The following BUB1B variants were observed in gnomAD, a reference collection of about 807,000 sequenced individuals.
BUB1B encodes the protein BUB1 mitotic checkpoint serine/threonine kinase B.
BUB1B carries 86 observed loss-of-function variants against 137.7 expected under a neutral mutation model. That is an observed-to-expected ratio of 0.62 (90% CI 0.52 to 0.75). The LOEUF (loss-of-function observed/expected upper bound fraction) is 0.75. Ranked by LOEUF, BUB1B falls within the 30% of genes least tolerant of loss-of-function variation. The pLI, the probability that BUB1B is intolerant of heterozygous loss-of-function variation, is 0.00. For synonymous variants in BUB1B, 420 were observed against 417.9 expected, an observed-to-expected ratio of 1.00 and a Z score of -0.06; for missense variants, 1,130 against 1,236.9, an observed-to-expected ratio of 0.91 and a Z score of 1.30.
intron 4 of BUB1B, 143 bp from the exon 5 acceptor site, chr15:40,176,334 C>A: frequency 1.2e-6 from 1 of 802,002 alleles, no homozygotes; most frequent in Non-Finnish European, 2.1e-6. Flanking sequence ...TAGGTCCTCC[C>A]AGTATGGTCC....
intron 9 of BUB1B, among the ~76,000 whole-genome samples, chr15:40,197,035 G>T (rs929984919): frequency 6.6e-6 from 1 of 152,168 alleles, no homozygotes; most frequent in Non-Finnish European, 1.5e-5. Context: ...ATGTTTAGAA[G>T]TAAAGGAAGA....
In BUB1B at chr15:40,200,080, T is replaced by C. The variant is rs2037545977; in HGVS notation, c.1402-164T>C. On this transcript the variant is annotated intron_variant, in intron 10 of 22. Coordinates refer to ENST00000287598, the MANE Select transcript of BUB1B (RefSeq NM_001211.6). ...GCTCAGTTGAGTACAACAGTACTGG[T>C]TTAGAGTAGGAATAAAAATTATTGG... 6 of 679,128 alleles carry C rather than the reference T, an allele frequency of 8.8e-6. No homozygotes were observed. The South Asian group carries it at 9.8e-5, about 11-fold the overall frequency. The allele number at this position is 679,128 out of a possible 1,614,324, so 42.1% of individuals were successfully genotyped here. A position where few individuals can be genotyped will look rare whatever the true frequency, so the allele number is the denominator to read the frequency against.
rs928512477 is a variant in BUB1B, at chr15:40,197,745, T to A, written c.1288+971T>A. Among the ~76,000 whole-genome samples, 14 of 152,162 alleles carry A rather than the reference T, an allele frequency of 9.2e-5. No homozygotes were observed. In the East Asian group the frequency reaches 2.5e-3, roughly 27 times the overall value. On this transcript the variant is annotated intron_variant, in intron 9 of 22. Coordinates refer to ENST00000287598, the MANE Select transcript of BUB1B (RefSeq NM_001211.6). ...AGCAGACTGTTAGTAAGTTTGAAAT[T>A]GCCTTCATTTGTTACACTAATTAGT...
chr15:40,174,232 T>A (rs956661668), intron 4 of BUB1B, among the ~76,000 whole-genome samples: 6 of 152,220 alleles, frequency 3.9e-5, no homozygotes, highest in Admixed American at 1.3e-4. Context: ...AAAGACTGGA[T>A]CTTATGCTGG....
chr15:40,210,391 A>T (rs2037696145), intron 18 of BUB1B, among the ~76,000 whole-genome samples, 181 bp downstream of exon 18: 1 of 152,166 alleles, frequency 6.6e-6, no homozygotes, highest in Non-Finnish European at 1.5e-5. Context: ...GGCCTGCTCC[A>T]ATCTGGACAA....
Position 40,217,664 on chromosome 15 carries a change from C to A in BUB1B, c.2847C>A (p.Tyr949Ter). The change falls in exon 21 of 23, where the codon TAC (tyrosine) becomes TAA (stop). Residue 949 changes from tyrosine to a stop codon, truncating the protein, a stop_gained. Coordinates refer to ENST00000287598, the MANE Select transcript of BUB1B (RefSeq NM_001211.6). LOFTEE classifies it high-confidence loss of function. ...TCCTGGCTAACTGTTCTTCTCCCTACCAGGTAAGTGTAAAACAAGCCTGAG... is the reference window on the plus strand; with the variant it reads ...TCCTGGCTAACTGTTCTTCTCCCTAACAGGTAAGTGTAAAACAAGCCTGAG... ...QKILANCSSP[Y>*]QVDLFGIADL... 1 of 1,614,144 alleles carries A rather than the reference C, an allele frequency of 6.2e-7. No homozygotes were observed. Among genetic ancestry groups the A allele is most frequent in the Non-Finnish European group, 8.5e-7 (1 of 1,180,012 alleles).
At chr15:40,164,063 C>T (rs372814022) in intron 1 of BUB1B, among the ~76,000 whole-genome samples, 38 of 152,200 alleles carry the variant, frequency 2.5e-4, no homozygotes, top group African/African-American at 7.9e-4. Flanking sequence ...CAAAACGTTT[C>T]GGGGGTTTTC....
At chr15:40,166,471 CT>C (rs2037099878) in intron 2 of BUB1B, 2 of 335,160 alleles carry the variant, frequency 6.0e-6, no homozygotes, top group Admixed American at 8.9e-5. Context: ...TCCTGAGTAG[CT>C]GGGACTACAG....
chr15:40,204,662 G>A (rs879690691), intron 14 of BUB1B, among the ~76,000 whole-genome samples: 9 of 150,766 alleles, frequency 6.0e-5, no homozygotes, highest in Admixed American at 6.0e-4. Flanking sequence ...TTTTAGACAG[G>A]GCCTCGCTCT....
intron 18 of BUB1B, among the ~76,000 whole-genome samples, chr15:40,210,723 C>T (rs1299039062): frequency 6.6e-6 from 1 of 152,088 alleles, no homozygotes; most frequent in African/African-American, 2.4e-5. Context: ...CTAGGCTGGT[C>T]TTGAATTCAT....
At chr15:40,219,961 T>C (rs948728574) in intron 22 of BUB1B, among the ~76,000 whole-genome samples, 1 of 152,146 alleles carries the variant, frequency 6.6e-6, no homozygotes, top group Non-Finnish European at 1.5e-5. Flanking sequence ...ATGTAAGACA[T>C]ATAGGATGGA....
intron 3 of BUB1B, 98 bp from the exon 4 acceptor site, chr15:40,170,439 A>G: frequency 1.4e-6 from 2 of 1,416,374 alleles, no homozygotes; most frequent in East Asian, 2.3e-5. Flanking sequence ...CAAAAGAAAC[A>G]TACTTTACTT....
rs138543509 is a variant in BUB1B, at chr15:40,181,975, G to A, written c.582-1739G>A. Among the ~76,000 whole-genome samples the A allele has an allele frequency of 2.6e-3, 401 of 152,316 alleles. 8 individuals carry two copies. The highest frequency in any genetic ancestry group is 0.021 in the Admixed American group (316 of 15,304). The stretch of plus-strand genomic sequence containing the variant: ...TCCCAACACGCTGGGAGGCCAAGGC[G>A]GGGGAATCACTTGAGGTCAGCAGTT... On this transcript the variant is annotated intron_variant, in intron 5 of 22. Coordinates refer to ENST00000287598, the MANE Select transcript of BUB1B (RefSeq NM_001211.6).
chr15:40,188,629 C>A (rs559235829), intron 8 of BUB1B, among the ~76,000 whole-genome samples: 1 of 144,606 alleles, frequency 6.9e-6, no homozygotes, highest in Non-Finnish European at 1.5e-5. Context: ...GTTACCCAGG[C>A]TGGAGTGCAG....
At chr15:40,173,235 G>C (rs1236823051) in intron 4 of BUB1B, among the ~76,000 whole-genome samples, 1 of 143,398 alleles carries the variant, frequency 7.0e-6, no homozygotes, top group Non-Finnish European at 1.5e-5. Flanking sequence ...CATGAACTGA[G>C]ATCATGCCAC....
chr15:40,188,627 G>C (rs1198211132), intron 8 of BUB1B, among the ~76,000 whole-genome samples: 1 of 143,266 alleles, frequency 7.0e-6, no homozygotes, highest in Admixed American at 7.1e-5. Flanking sequence ...CTGTTACCCA[G>C]GCTGGAGTGC....
Position 40,183,762 on chromosome 15 carries a change from A to G in BUB1B, c.630A>G (p.Lys210=), listed in dbSNP as rs1274220232. ...GGCAAACTCTGTTGGCACTTGAGAAAGAAGAAGAGGAGGAAGTTTTTGAGT... is the reference window on the plus strand; with the variant it reads ...GGCAAACTCTGTTGGCACTTGAGAAGGAAGAAGAGGAGGAAGTTTTTGAGT... ...VSRQTLLALE[K]EEEEEVFESS... is the part of the protein sequence containing the mutation. Residue 210 remains lysine, a synonymous_variant, in exon 6 of 23, where the codon AAA becomes AAG. Transcript: ENST00000287598. 9 of 1,613,982 alleles carry G rather than the reference A, an allele frequency of 5.6e-6. No individual in the cohort carries two copies. Among genetic ancestry groups the G allele is most frequent in the Admixed American group, 1.7e-5 (1 of 60,006 alleles).
Position 40,212,553 on chromosome 15 carries a change from C to A in BUB1B, c.2440C>A (p.Arg814Ser). 1.9e-6 allele frequency: 3 copies of A among 1,612,602 alleles called. No individual in the cohort carries two copies. The highest frequency in any genetic ancestry group is 2.5e-6 in the Non-Finnish European group (3 of 1,178,856). The change falls in exon 19 of 23, where the codon CGT (arginine) becomes AGT (serine). Residue 814 changes from arginine (R) to serine (S), a missense_variant. Transcript: ENST00000287598. ...TTATATCAACCTCAAGTTAAAGGAA[C>A]GTTTAAATGAAGATTTTGATCATTT... ...DFYINLKLKE[R>S]LNEDFDHFCS... is the part of the protein sequence containing the mutation.
At position 40,173,119 on chromosome 15, in the gene BUB1B, T is replaced by A. The variant is rs556725431; in HGVS notation, c.384+2438T>A. Among the ~76,000 whole-genome samples, 6 of 151,874 alleles carry A rather than the reference T, an allele frequency of 4.0e-5. No individual in the cohort carries two copies. In the East Asian group the frequency reaches 1.2e-3, roughly 29 times the overall value. On this transcript the variant is annotated intron_variant, in intron 4 of 22. Transcript: ENST00000287598. ...GGTGAAACCTCATCTCTACTAAAAA[T>A]ACAAAAAATGCAAAAATTAGCCGCA...
Sources: gnomAD v4.1 joint callset for allele counts (sites outside exome capture counted in the v4.1 genomes callset) on GRCh38, gnomAD v4.1.1 for gene constraint, MANE v1.5 for transcripts, NCBI Gene and HGNC (gene_info 2026-07-23, HGNC 2026-07-21) for gene names.